The following EXT1 variants were observed in gnomAD, a reference collection of about 807,000 sequenced individuals.
EXT1 encodes the protein exostosin glycosyltransferase 1.
In EXT1, 20 loss-of-function variants were observed where a neutral mutation model predicts 82.5. The ratio of observed to expected loss-of-function variants is 0.24; its 90% CI spans 0.17 to 0.35. The LOEUF (loss-of-function observed/expected upper bound fraction) is 0.35. Among genes scored for constraint, EXT1 ranks in the 10% least tolerant of loss-of-function variants. The probability of loss-of-function intolerance (pLI) is 1.00; values close to 1 mark genes in which losing one functional copy is unlikely to be tolerated. For synonymous variants in EXT1, 348 were observed against 350.8 expected (o/e 0.99, Z 0.09); for missense variants, 757 against 936.5 (o/e 0.81, Z 2.50).
intron 1 of EXT1, among the ~76,000 whole-genome samples, chr8:118,052,797 T>G (rs1336561182): frequency 6.6e-6 from 1 of 152,204 alleles, no homozygotes; most frequent in African/African-American, 2.4e-5. Flanking sequence ...CTGTTTAGGA[T>G]AGAGGAGGCC....
intron 1 of EXT1, among the ~76,000 whole-genome samples, chr8:118,007,296 CA>C (rs1016583206): frequency 6.4e-5 from 9 of 141,376 alleles, no homozygotes; most frequent in Middle Eastern, 3.5e-3. Context: ...GACACCATCT[CA>C]AAAAAAAAAC....
chr8:118,012,992 T>C (rs927928272), intron 1 of EXT1, among the ~76,000 whole-genome samples: 1 of 152,128 alleles, frequency 6.6e-6, no homozygotes, highest in African/African-American at 2.4e-5. Flanking sequence ...AAAACATGCA[T>C]AATGTGGGTG....
chr8:118,063,544 C>A (rs1816920888), intron 1 of EXT1, among the ~76,000 whole-genome samples: 1 of 152,344 alleles, frequency 6.6e-6, no homozygotes, highest in Middle Eastern at 3.4e-3. Context: ...CACTAACATA[C>A]CTGCCACATG....
chr8:118,065,203 C>A (rs28661124), intron 1 of EXT1, among the ~76,000 whole-genome samples: 40,695 of 152,016 alleles, frequency 0.27, 6,586 homozygotes, highest in Middle Eastern at 0.41. Context: ...GATGGTATCT[C>A]ATTGTGGTTC....
intron 1 of EXT1, among the ~76,000 whole-genome samples, chr8:117,991,728 A>AT (rs1299127765): frequency 1.6e-4 from 24 of 152,090 alleles, no homozygotes; most frequent in African/African-American, 5.3e-4. Context: ...CACCCAACTA[A>AT]TTTTTGTATT....
At chr8:117,951,669 C>T (rs1442100776) in intron 1 of EXT1, among the ~76,000 whole-genome samples, 1 of 152,156 alleles carries the variant, frequency 6.6e-6, no homozygotes, top group Non-Finnish European at 1.5e-5. Context: ...TAGAAATTAT[C>T]CTCTTTATGT....
chr8:117,983,237 A>G (rs1815244470), intron 1 of EXT1, among the ~76,000 whole-genome samples: 1 of 152,180 alleles, frequency 6.6e-6, no homozygotes, highest in Non-Finnish European at 1.5e-5. Context: ...TAATTCCAAC[A>G]CTTTAGGAGG....
Position 117,875,684 on chromosome 8 carries a change from T to C in EXT1, c.963-38483A>G, listed in dbSNP as rs539564573. On this transcript the variant is annotated intron_variant, in intron 1 of 10. Transcript: ENST00000378204. ...ATTCAAGTTTCTAAGTAAGCAAAAA[T>C]TATCCGTTGCCAAGTACCATCTTTG... is the stretch of plus-strand genomic sequence containing the variant. Among the ~76,000 whole-genome samples, 20 of 152,076 alleles carry C rather than the reference T, an allele frequency of 1.3e-4. No individual in the cohort carries two copies. In the South Asian group the frequency reaches 3.1e-3, roughly 24 times the overall value.
chr8:117,942,434 G>A (rs955928321), intron 1 of EXT1, among the ~76,000 whole-genome samples: 15 of 152,260 alleles, frequency 9.9e-5, no homozygotes, highest in East Asian at 1.9e-4. Context: ...ACTCAAGGAC[G>A]GGTGCGGTGG....
At chr8:118,078,945 G>A (rs1817260708) in intron 1 of EXT1, among the ~76,000 whole-genome samples, 1 of 152,102 alleles carries the variant, frequency 6.6e-6, no homozygotes, top group Non-Finnish European at 1.5e-5. Flanking sequence ...GCAAAAACAC[G>A]AGTTAAGATT....
At chr8:117,905,622 C>G (rs1051696485) in intron 1 of EXT1, among the ~76,000 whole-genome samples, 1 of 152,082 alleles carries the variant, frequency 6.6e-6, no homozygotes, top group African/African-American at 2.4e-5. Context: ...ATCATCCTGG[C>G]TAACACGGTG....
At chr8:117,916,012 C>T (rs950850356) in intron 1 of EXT1, among the ~76,000 whole-genome samples, 4 of 152,108 alleles carry the variant, frequency 2.6e-5, no homozygotes, top group African/African-American at 9.7e-5. Context: ...CACAGGAAAC[C>T]GTTGTCTTTT....
At position 117,837,107 on chromosome 8, in the gene EXT1, C is replaced by T. The variant is rs886039354; in HGVS notation, c.1056+1G>A. 1.2e-6 allele frequency: 2 copies of T among 1,613,472 alleles called. No homozygotes were observed. The highest frequency in any genetic ancestry group is 2.2e-5 in the East Asian group (1 of 44,874). ...TCTGGGAAGGCTCCAGGGCCTCTTACCTGCAAAGCCTCCAGGAATCTGAAG... is the reference window on the plus strand; with the variant it reads ...TCTGGGAAGGCTCCAGGGCCTCTTATCTGCAAAGCCTCCAGGAATCTGAAG... On this transcript the variant is annotated splice_donor_variant, in intron 2 of 10. Coordinates refer to ENST00000378204, the MANE Select transcript of EXT1 (RefSeq NM_000127.3). LOFTEE classifies it high-confidence loss of function.
chr8:118,075,672 G>A lies in EXT1; in HGVS notation c.962+34413C>T, dbSNP rs546646480. On this transcript the variant is annotated intron_variant, in intron 1 of 10. Coordinates refer to ENST00000378204, the MANE Select transcript of EXT1 (RefSeq NM_000127.3). The stretch of plus-strand genomic sequence containing the variant: ...AAAGAAAAGAGGTTTAATTGGCCAT[G>A]GTTCTGCAGGCTGTACAGGAAGCAT... 5.1e-4 allele frequency among the ~76,000 whole-genome samples: 77 copies of A among 152,282 alleles called. 1 individual carries two copies. The highest frequency in any genetic ancestry group is 1.7e-3 in the South Asian group (8 of 4,824).
intron 1 of EXT1, among the ~76,000 whole-genome samples, chr8:118,096,664 AAGGAAGGAAGGGAGGG>A (rs753338111): frequency 0.097 from 9,145 of 94,654 alleles, 375 homozygotes; most frequent in African/African-American, 0.14. Context: ...GGAAGGAAGG[AAGGAAGGAAGGGAGGG>A]AGGGAGGGAG....
At chr8:118,018,361 C>T (rs1816037754) in intron 1 of EXT1, among the ~76,000 whole-genome samples, 1 of 152,110 alleles carries the variant, frequency 6.6e-6, no homozygotes, top group African/African-American at 2.4e-5. Flanking sequence ...AAGATGAAAG[C>T]AGGGATCAGG....
chr8:118,023,257 A>C (rs1816143659), intron 1 of EXT1, among the ~76,000 whole-genome samples: 1 of 152,260 alleles, frequency 6.6e-6, no homozygotes, highest in South Asian at 2.1e-4. Flanking sequence ...AGCTATTTTC[A>C]ATCACTTCAA....
intron 1 of EXT1, among the ~76,000 whole-genome samples, chr8:118,010,688 C>G (rs567579120): frequency 6.6e-6 from 1 of 152,286 alleles, no homozygotes; most frequent in East Asian, 1.9e-4. Flanking sequence ...CTCCCAGTAC[C>G]CTGGGCTGAA....
intron 1 of EXT1, among the ~76,000 whole-genome samples, chr8:117,974,815 T>C (rs943293623): frequency 6.6e-6 from 1 of 152,108 alleles, no homozygotes; most frequent in Non-Finnish European, 1.5e-5. Flanking sequence ...ATAACCCTTG[T>C]TTCCATGATC....
Sources: gnomAD v4.1 joint callset for allele counts (sites outside exome capture counted in the v4.1 genomes callset) on GRCh38, gnomAD v4.1.1 for gene constraint, MANE v1.5 for transcripts, NCBI Gene and HGNC (gene_info 2026-07-23, HGNC 2026-07-21) for gene names.